The following THADA variants were observed in gnomAD, a reference collection of about 807,000 sequenced individuals.
The protein encoded by THADA is tRNA (32-2'-O)-methyltransferase regulator THADA.
THADA carries 213 observed loss-of-function variants against 219.8 expected under a neutral mutation model. That is an observed-to-expected ratio of 0.97 (90% CI 0.87 to 1.09). The LOEUF (loss-of-function observed/expected upper bound fraction) is 1.09. Among genes scored for constraint, THADA ranks in the 50% least tolerant of loss-of-function variants. The pLI is 0.00. For missense variants in THADA, 2,956 were observed against 2,311.3 expected (o/e 1.28, Z -5.72); for synonymous variants, 1,018 against 828.9 (o/e 1.23, Z -3.92).
chr2:43,486,596 T>C (rs1391976683), intron 25 of THADA: 1 of 152,158 alleles, frequency 6.6e-6, no homozygotes, highest in African/African-American at 2.4e-5. Flanking sequence ...TCACTAAAAG[T>C]AACGTTAAGA....
intron 26 of THADA, among the ~76,000 whole-genome samples, chr2:43,445,200 G>A (rs1056766100): frequency 3.3e-5 from 5 of 152,114 alleles, no homozygotes; most frequent in Admixed American, 2.0e-4. Flanking sequence ...CCCATCCCCC[G>A]CAAAGGAAAC....
intron 29 of THADA, among the ~76,000 whole-genome samples, chr2:43,362,338 A>G (rs1183786346): frequency 2.6e-5 from 4 of 152,220 alleles, no homozygotes; most frequent in African/African-American, 9.6e-5. Flanking sequence ...TTTACAAGAA[A>G]AGGCAATACA....
intron 26 of THADA, among the ~76,000 whole-genome samples, chr2:43,447,009 A>C (rs903625273): frequency 1.3e-5 from 2 of 152,212 alleles, no homozygotes; most frequent in Non-Finnish European, 2.9e-5. Context: ...CTATGAAGAA[A>C]TACCCGAGAC....
intron 26 of THADA, among the ~76,000 whole-genome samples, chr2:43,435,830 G>GT (rs1247609336): frequency 1.7e-3 from 240 of 144,508 alleles, no homozygotes; most frequent in East Asian, 3.0e-3. Flanking sequence ...ATGCATGAGG[G>GT]TTTTTTTTTT....
chr2:43,594,648 A>T (rs1486141090), intron 1 of THADA, among the ~76,000 whole-genome samples: 1 of 152,156 alleles, frequency 6.6e-6, no homozygotes, highest in Non-Finnish European at 1.5e-5. Flanking sequence ...GGCCCTAAAT[A>T]ATCTGACCCT....
intron 36 of THADA, among the ~76,000 whole-genome samples, chr2:43,272,227 G>C (rs1331119578): frequency 1.3e-5 from 2 of 152,186 alleles, no homozygotes; most frequent in Non-Finnish European, 2.9e-5. Context: ...GAGCGGCAGG[G>C]GCTGGACTGG....
chr2:43,377,266 C>T (rs1429391610), intron 29 of THADA, among the ~76,000 whole-genome samples: 1 of 152,160 alleles, frequency 6.6e-6, no homozygotes, highest in East Asian at 1.9e-4. Flanking sequence ...TTATATGTGC[C>T]ATTACCACAG....
chr2:43,545,788 T>C (rs1047753255), intron 20 of THADA, among the ~76,000 whole-genome samples: 11 of 152,040 alleles, frequency 7.2e-5, no homozygotes, highest in African/African-American at 1.2e-4. Flanking sequence ...GTCTTGCTAG[T>C]GGTCTATCAA....
intron 36 of THADA, among the ~76,000 whole-genome samples, chr2:43,241,506 C>T (rs1195111635): frequency 6.7e-6 from 1 of 148,928 alleles, no homozygotes; most frequent in Non-Finnish European, 1.5e-5. Context: ...CTGTACTAAA[C>T]AGTCCCTTTG....
Position 43,325,139 on chromosome 2 carries a change from C to T in THADA, c.4344-4599G>A, listed in dbSNP as rs576428340. Reference sequence around the variant, plus strand: ...TGAACTTCTTTAAATCTCCTGCCCTCTCTCCTGGAAGTTGGGAGAGGCACA... The same window carrying T: ...TGAACTTCTTTAAATCTCCTGCCCTTTCTCCTGGAAGTTGGGAGAGGCACA... On this transcript the variant is annotated intron_variant, in intron 30 of 37. Coordinates refer to ENST00000405975, the MANE Select transcript of THADA (RefSeq NM_022065.5). Among the ~76,000 whole-genome samples the T allele has an allele frequency of 7.9e-5, 12 of 152,338 alleles. No homozygotes were observed. In the South Asian group the frequency reaches 2.5e-3, roughly 32 times the overall value.
intron 26 of THADA, among the ~76,000 whole-genome samples, chr2:43,460,987 G>T (rs1298197015): frequency 6.6e-6 from 1 of 152,200 alleles, no homozygotes; most frequent in African/African-American, 2.4e-5. Flanking sequence ...CAGTGGAGAA[G>T]GGGATGGCAC....
chr2:43,493,488 C>T (rs1315329707), intron 25 of THADA, among the ~76,000 whole-genome samples: 2 of 152,012 alleles, frequency 1.3e-5, no homozygotes, highest in Admixed American at 6.6e-5. Flanking sequence ...AGCAAGACTC[C>T]GTCCAAAATA....
At chr2:43,359,419 C>T (rs905966628) in intron 29 of THADA, among the ~76,000 whole-genome samples, 1 of 152,214 alleles carries the variant, frequency 6.6e-6, no homozygotes, top group Admixed American at 6.5e-5. Flanking sequence ...GTGGCTCATG[C>T]CGGTAATCCC....
At chr2:43,571,669 T>A (rs1488826271) in intron 13 of THADA, 38 bp downstream of exon 13, 2 of 1,567,924 alleles carry the variant, frequency 1.3e-6, no homozygotes, top group Admixed American at 2.0e-5. Flanking sequence ...CCAAACAAAG[T>A]TCACCACTTC....
chr2:43,265,968 C>G (rs938187802), intron 36 of THADA, among the ~76,000 whole-genome samples: 1 of 139,428 alleles, frequency 7.2e-6, no homozygotes, highest in African/African-American at 2.6e-5. Flanking sequence ...CACACACACA[C>G]ACACACACAC....
chr2:43,398,233 A>G, intron 28 of THADA, 94 bp from the exon 29 acceptor site: 9 of 1,344,402 alleles, frequency 6.7e-6, no homozygotes, highest in Non-Finnish European at 9.3e-6. Context: ...GGCCTGGAAC[A>G]TCCAGGGGTT....
chr2:43,595,494 G>C (rs1369380802), intron 1 of THADA, among the ~76,000 whole-genome samples: 1 of 152,152 alleles, frequency 6.6e-6, no homozygotes, highest in Non-Finnish European at 1.5e-5. Flanking sequence ...CAATTCTGAG[G>C]GCTACACAAA....
chr2:43,583,330 A>G (rs1233088254), intron 7 of THADA, among the ~76,000 whole-genome samples: 1 of 152,148 alleles, frequency 6.6e-6, no homozygotes, highest in East Asian at 1.9e-4. Flanking sequence ...TTCAAAATAC[A>G]TCTAGAATCA....
chr2:43,428,625 G>A (rs1338545444), intron 27 of THADA, among the ~76,000 whole-genome samples: 1 of 151,982 alleles, frequency 6.6e-6, no homozygotes, highest in Non-Finnish European at 1.5e-5. Context: ...TTATGTATAT[G>A]AAGTGAGACT....
Sources: allele counts gnomAD v4.1 joint callset (sites outside exome capture counted in the v4.1 genomes callset), GRCh38; gene constraint gnomAD v4.1.1; transcripts MANE v1.5; gene names NCBI Gene and HGNC (gene_info 2026-07-23, HGNC 2026-07-21).